Variants in PHACTR1 observed in about 807,000 individuals in gnomAD.
PHACTR1 encodes the protein RPEL repeat containing 1.
In PHACTR1, 16 loss-of-function variants were observed where a neutral mutation model predicts 69.2. That is an observed-to-expected ratio of 0.23 (90% CI 0.16 to 0.35). The LOEUF is 0.35. Among genes scored for constraint, PHACTR1 ranks in the 10% least tolerant of loss-of-function variants. The probability of loss-of-function intolerance (pLI) is 1.00; values close to 1 mark genes in which losing one functional copy is unlikely to be tolerated. For missense variants in PHACTR1, 510 were observed against 734.7 expected, an observed-to-expected ratio of 0.69 and a Z score of 3.54; for synonymous variants, 312 against 284.5, an observed-to-expected ratio of 1.10 and a Z score of -0.97.
In PHACTR1 at chr6:13,275,609, G is replaced by A. The variant is rs1778728231; in HGVS notation, c.1448-2659G>A. The A allele has an allele frequency of 6.6e-6, 1 of 152,196 alleles. No individual in the cohort carries two copies. The highest frequency in any genetic ancestry group is 1.5e-5 in the Non-Finnish European group (1 of 68,084). The allele number at this position is 152,196 out of a possible 1,614,324, so 9.4% of individuals were successfully genotyped here. On this transcript the variant is annotated intron_variant, in intron 11 of 14. Coordinates refer to ENST00000332995, the MANE Select transcript of PHACTR1 (RefSeq NM_030948.6). The surrounding 1 kb of genome is among the most constrained non-coding windows in gnomAD (Gnocchi z 4.0). ...GGAGAGCCGGCCCCACACAAAACAT[G>A]ACCACAGGAAAAAACCTATCTGTGT... is the stretch of plus-strand genomic sequence containing the variant.
At chr6:12,927,252 T>C (rs1375414715) in intron 4 of PHACTR1, among the ~76,000 whole-genome samples, 4 of 152,222 alleles carry the variant, frequency 2.6e-5, no homozygotes. Context: ...GACCCAGTAC[T>C]TCAAAAGGGA....
chr6:13,207,445 A>C (rs1766102759), intron 8 of PHACTR1, among the ~76,000 whole-genome samples: 1 of 152,164 alleles, frequency 6.6e-6, no homozygotes. Context: ...TTTCACCAGA[A>C]TATGCCTCCA....
Position 13,149,793 on chromosome 6 carries a change from G to A in PHACTR1, c.416-10411G>A, listed in dbSNP as rs114024804. Among the ~76,000 whole-genome samples, 245 of 151,264 alleles carry A rather than the reference G, an allele frequency of 1.6e-3. 1 individual carries two copies. The highest frequency in any genetic ancestry group is 5.9e-3 in the African/African-American group (244 of 41,112). Reference sequence around the variant, plus strand: ...TTTGAATGCAGTCCAACACAAATTCGTAAACTTTCTTAAAAAGTTACGAGA... The same window carrying A: ...TTTGAATGCAGTCCAACACAAATTCATAAACTTTCTTAAAAAGTTACGAGA... On this transcript the variant is annotated intron_variant, in intron 5 of 14. Coordinates refer to ENST00000332995, the MANE Select transcript of PHACTR1 (RefSeq NM_030948.6).
Position 13,080,410 on chromosome 6 carries a change from G to A in PHACTR1, c.415+26881G>A, listed in dbSNP as rs780290805. On this transcript the variant is annotated intron_variant, in intron 5 of 14. Coordinates refer to ENST00000332995, the MANE Select transcript of PHACTR1 (RefSeq NM_030948.6). Reference sequence around the variant, plus strand: ...TTACCCAGCTGGTTTAATTGGAACTGGGGTGTGTAAGGGTCAAAATGGATA... The same window carrying A: ...TTACCCAGCTGGTTTAATTGGAACTAGGGTGTGTAAGGGTCAAAATGGATA... 3.9e-5 allele frequency among the ~76,000 whole-genome samples: 6 copies of A among 152,118 alleles called. 1 individual carries two copies. The South Asian group carries it at 1.2e-3, about 32-fold the overall frequency.
intron 4 of PHACTR1, among the ~76,000 whole-genome samples, chr6:13,003,951 C>CTATATATATATATATATACATA (rs1384494931): frequency 1.1e-5 from 1 of 93,548 alleles, no homozygotes; most frequent in African/African-American, 6.2e-5. Context: ...AGTAGTATTC[C>CTATATATATATATATATACATA]TATATATATA....
chr6:13,163,249 A>G (rs555549256), intron 6 of PHACTR1, among the ~76,000 whole-genome samples: 53 of 152,368 alleles, frequency 3.5e-4, no homozygotes, highest in Middle Eastern at 3.4e-3. Flanking sequence ...GTCTCAAAAA[A>G]GGAAATAAAT....
intron 4 of PHACTR1, among the ~76,000 whole-genome samples, chr6:12,965,964 A>G (rs1680907255): frequency 6.6e-6 from 1 of 152,216 alleles, no homozygotes; most frequent in Admixed American, 6.5e-5. Flanking sequence ...ACACATTTCT[A>G]AAGACATTAA....
At chr6:12,975,867 G>GAGCT (rs1794810012) in intron 4 of PHACTR1, among the ~76,000 whole-genome samples, 1 of 152,234 alleles carries the variant, frequency 6.6e-6, no homozygotes. Context: ...TTACAGGCAT[G>GAGCT]AGCTGCCTTG....
At chr6:13,243,835 T>C (rs1028605079) in intron 10 of PHACTR1, among the ~76,000 whole-genome samples, 2 of 152,216 alleles carry the variant, frequency 1.3e-5, no homozygotes, top group East Asian at 3.9e-4. Context: ...TACTTGTAAG[T>C]GAGAACATGT....
At chr6:13,120,114 A>G (rs994425547) in intron 5 of PHACTR1, among the ~76,000 whole-genome samples, 2 of 152,142 alleles carry the variant, frequency 1.3e-5, no homozygotes, top group African/African-American at 4.8e-5. Context: ...TTCCCTTGCC[A>G]GTGTCTCAAG....
intron 4 of PHACTR1, among the ~76,000 whole-genome samples, chr6:12,904,671 A>G (rs9472888): frequency 0.12 from 18,094 of 151,738 alleles, 2,555 homozygotes; most frequent in African/African-American, 0.34. Flanking sequence ...AGGATAAATG[A>G]CTCTTTACCT....
chr6:12,756,815 T>A (rs1767379034), intron 4 of PHACTR1, among the ~76,000 whole-genome samples: 2 of 152,224 alleles, frequency 1.3e-5, no homozygotes, highest in African/African-American at 4.8e-5. Context: ...TATTGCCAGA[T>A]CTCTATCAAC....
intron 3 of PHACTR1, among the ~76,000 whole-genome samples, chr6:12,721,771 A>C (rs1321425816): frequency 6.6e-6 from 1 of 152,134 alleles, no homozygotes; most frequent in Non-Finnish European, 1.5e-5. Flanking sequence ...TCCCCTTTGC[A>C]CAGATTCCAC....
intron 5 of PHACTR1, among the ~76,000 whole-genome samples, chr6:13,062,135 ACAG>A (rs1434041981): frequency 5.3e-5 from 8 of 152,198 alleles, no homozygotes; most frequent in Admixed American, 5.2e-4. Context: ...GATACTCATG[ACAG>A]CATCCAGAAA....
chr6:12,925,465 C>A (rs536213233), intron 4 of PHACTR1, among the ~76,000 whole-genome samples: 1 of 152,052 alleles, frequency 6.6e-6, no homozygotes, highest in Admixed American at 6.6e-5. Flanking sequence ...TTCTAAGGTA[C>A]GAAACTGTTC....
chr6:13,282,829 A>G (rs1418812893), intron 12 of PHACTR1, among the ~76,000 whole-genome samples: 3 of 152,152 alleles, frequency 2.0e-5, no homozygotes, highest in Non-Finnish European at 4.4e-5. Flanking sequence ...GAAATCCACA[A>G]CAGGCGCCCA....
rs146639382 is a variant in PHACTR1, at chr6:13,198,157, A to T, written c.665-7658A>T. ...ATCTACTATGCACTAGGCTTAGTTC[A>T]TTCTAGCAGGTAAAACAGGAGGAAA... On this transcript the variant is annotated intron_variant, in intron 7 of 14. Coordinates refer to ENST00000332995, the MANE Select transcript of PHACTR1 (RefSeq NM_030948.6). Among the ~76,000 whole-genome samples the T allele has an allele frequency of 2.4e-3, 368 of 152,384 alleles. 3 individuals carry two copies. Among genetic ancestry groups the T allele is most frequent in the African/African-American group, 8.7e-3 (361 of 41,596 alleles).
intron 10 of PHACTR1, among the ~76,000 whole-genome samples, chr6:13,241,694 A>C (rs1324686338): frequency 6.6e-6 from 1 of 152,076 alleles, no homozygotes; most frequent in East Asian, 1.9e-4. Flanking sequence ...TCTCCTGGTG[A>C]GTCTGAATAC....
intron 4 of PHACTR1, among the ~76,000 whole-genome samples, chr6:12,992,580 G>A (rs1796940766): frequency 6.6e-6 from 1 of 152,112 alleles, no homozygotes; most frequent in Non-Finnish European, 1.5e-5. Flanking sequence ...CTTTTTAGTA[G>A]GTGTCAAACT....
Sources: allele counts gnomAD v4.1 joint callset (sites outside exome capture counted in the v4.1 genomes callset), GRCh38; gene constraint gnomAD v4.1.1; non-coding constraint Gnocchi (gnomAD v3.1); transcripts MANE v1.5; gene names NCBI Gene and HGNC (gene_info 2026-07-23, HGNC 2026-07-21).